The following CYP4Z1 variants were observed in gnomAD, a reference collection of about 807,000 sequenced individuals.
CYP4Z1 encodes cytochrome P450 4Z1.
Under a neutral mutation model 54.2 loss-of-function variants are expected in CYP4Z1, and 41 were observed. The observed-to-expected ratio is 0.76, with a 90% confidence interval of 0.59 to 0.98. The LOEUF (loss-of-function observed/expected upper bound fraction) is 0.98, where lower values mean the gene tolerates loss of function less well. CYP4Z1 is among the 50% of genes least tolerant of loss of function. The pLI, the probability that CYP4Z1 is intolerant of heterozygous loss-of-function variation, is 0.00. For missense variants in CYP4Z1, 513 were observed against 599.0 expected (o/e 0.86, Z 1.50); for synonymous variants, 163 against 206.2 (o/e 0.79, Z 1.79).
At chr1:47,109,120 C>T (rs1181921774) in intron 9 of CYP4Z1, among the ~76,000 whole-genome samples, 1 of 152,054 alleles carries the variant, frequency 6.6e-6, no homozygotes. Context: ...CCACTTGTCC[C>T]TCCTAAGATC....
rs151279435 is a variant in CYP4Z1 at position 47,095,505 on chromosome 1, T to TA, written c.876+840dup. Among the ~76,000 whole-genome samples, 1,035 of 152,328 alleles carry TA rather than the reference T, an allele frequency of 6.8e-3. 9 individuals carry two copies. Among genetic ancestry groups the TA allele is most frequent in the African/African-American group, 0.024 (988 of 41,574 alleles). ...CACCAGGCTAGCAATCCTGTAAGGA[T>TA]AAAATTAGATTATATGTGTAAAGAT... On this transcript the variant is annotated intron_variant, in intron 7 of 11. Transcript: ENST00000334194.
At chr1:47,064,080 CTT>C (rs34267768), upstream of CYP4Z1, among the ~76,000 whole-genome samples, 38 of 119,488 alleles carry the variant, frequency 3.2e-4, no homozygotes, top group African/African-American at 6.1e-4. Context: ...GATTTGGGTC[CTT>C]TTTTTTTTTT....
chr1:47,059,726 A>T, the CYP4Z1 span, among the ~76,000 whole-genome samples: 1 of 152,152 alleles, frequency 6.6e-6, no homozygotes, highest in Non-Finnish European at 1.5e-5. Flanking sequence ...AAGAACATTT[A>T]ATTTCCCTAA....
At chr1:47,103,899 ATATTT>A (rs1553156880) in intron 8 of CYP4Z1, among the ~76,000 whole-genome samples, 65,247 of 151,796 alleles carry the variant, frequency 0.43, 15,343 homozygotes, top group East Asian at 0.96. Context: ...CCCAGCCTCA[ATATTT>A]TGCTTCTTTA....
chr1:47,097,149 T>C (rs1644683934), intron 7 of CYP4Z1: 4 of 152,216 alleles, frequency 2.6e-5, no homozygotes, highest in Admixed American at 2.0e-4. Flanking sequence ...ATCTCATTCC[T>C]TTTTATGTCT....
At position 47,067,496 on chromosome 1, in the gene CYP4Z1, G is replaced by C; in HGVS notation, c.6G>C (p.Glu2Asp). The C allele has an allele frequency of 6.2e-7, 1 of 1,606,072 alleles. No homozygotes were observed. The highest frequency in any genetic ancestry group is 1.3e-5 in the African/African-American group (1 of 74,872). Residue 2 changes from glutamate to aspartate, a missense_variant, in exon 1 of 12, where the codon GAG becomes GAC. Transcript: ENST00000334194. ...GCTCAGGACCTCTGAGAAGAATGGA[G>C]CCCTCCTGGCTTCAGGAACTCATGG... Reference protein sequence around the residue: MEPSWLQELMAH... With the variant: MDPSWLQELMAH...
At chr1:47,097,819 G>GT (rs1557629999) in intron 7 of CYP4Z1, among the ~76,000 whole-genome samples, 1 of 102,900 alleles carries the variant, frequency 9.7e-6, no homozygotes, top group East Asian at 9.3e-4. Context: ...AGTTCCATAT[G>GT]ATTTTTTTTT....
intron 2 of CYP4Z1, among the ~76,000 whole-genome samples, chr1:47,078,165 CAT>C (rs1437074816): frequency 2.2e-4 from 33 of 152,228 alleles, no homozygotes; most frequent in African/African-American, 6.7e-4. Flanking sequence ...TCCAATTATG[CAT>C]ATGTTAGTAT....
chr1:47,064,236 C>T (rs1334679036), upstream of CYP4Z1, among the ~76,000 whole-genome samples: 1 of 151,870 alleles, frequency 6.6e-6, no homozygotes, highest in African/African-American at 2.4e-5. Context: ...GGCACACCAC[C>T]ACACGCCTGG....
At chr1:47,099,008 A>G (rs1163011045) in intron 7 of CYP4Z1, 86 bp from the exon 8 acceptor site, 9 of 1,474,792 alleles carry the variant, frequency 6.1e-6, no homozygotes, top group Non-Finnish European at 8.4e-6. Flanking sequence ...TTACAACATT[A>G]ATCTTTTTGT....
chr1:47,086,769 A>G (rs1053496198), intron 6 of CYP4Z1, among the ~76,000 whole-genome samples: 3 of 152,168 alleles, frequency 2.0e-5, no homozygotes, highest in Admixed American at 6.5e-5. Flanking sequence ...GTCCTTGCCC[A>G]TGCCTATGTC....
At chr1:47,115,479 G>T in intron 9 of CYP4Z1, 50 bp from the exon 10 acceptor site, 7 of 1,447,416 alleles carry the variant, frequency 4.8e-6, no homozygotes, top group Non-Finnish European at 6.6e-6. Flanking sequence ...AAAAAAAAAA[G>T]ACAGAATCTT....
rs1644493607 is a variant in CYP4Z1 at position 47,073,014 on chromosome 1, C to T, written c.319+4251C>T. On this transcript the variant is annotated intron_variant, in intron 2 of 11. Transcript: ENST00000334194. ...CACTAAGTATATTCACAGTGCTATC[C>T]ACCTATCATCTCTGTCTAGTTCCAG... 2.0e-5 allele frequency among the ~76,000 whole-genome samples: 3 copies of T among 149,234 alleles called. No homozygotes were observed. In the South Asian group the frequency reaches 6.4e-4, roughly 32 times the overall value.
At chr1:47,088,558 T>TA (rs1644614656) in intron 6 of CYP4Z1, among the ~76,000 whole-genome samples, 1 of 151,764 alleles carries the variant, frequency 6.6e-6, no homozygotes. Flanking sequence ...TATCATTTTT[T>TA]TTTCGTCTAT....
chr1:47,084,757 A>C lies in CYP4Z1; in HGVS notation c.617+13A>C, dbSNP rs1265372596. The C allele has an allele frequency of 6.2e-7, 1 of 1,613,318 alleles. No homozygotes were observed. Among genetic ancestry groups the C allele is most frequent in the Non-Finnish European group, 8.5e-7 (1 of 1,179,850 alleles). ...TCCAGTTGGACAGGTCAGTGACAAA[A>C]GGAAGGTAATTGTTTGCCAATAACT... On this transcript the variant is annotated intron_variant, in intron 5 of 11. Transcript: ENST00000334194.
At chr1:47,087,773 A>G (rs557712218) in intron 6 of CYP4Z1, among the ~76,000 whole-genome samples, 1 of 152,324 alleles carries the variant, frequency 6.6e-6, no homozygotes, top group South Asian at 2.1e-4. Context: ...GTCTTGTGCC[A>G]GTTTTCAAAT....
chr1:47,091,485 A>T (rs1644637569), intron 6 of CYP4Z1, among the ~76,000 whole-genome samples: 3 of 146,920 alleles, frequency 2.0e-5, no homozygotes, highest in Non-Finnish European at 4.5e-5. Context: ...ATGAGCATGG[A>T]GAGCTAAGAG....
intron 2 of CYP4Z1, among the ~76,000 whole-genome samples, chr1:47,079,554 C>T (rs1454524363): frequency 2.6e-5 from 4 of 152,214 alleles, no homozygotes; most frequent in African/African-American, 9.7e-5. Context: ...TACATTCTTT[C>T]CAAAATAGTT....
In CYP4Z1 at chr1:47,067,234, TG is replaced by T. The variant is rs200206852; in HGVS notation, c.-254del. 2.6e-4 allele frequency among the ~76,000 whole-genome samples: 39 copies of T among 152,306 alleles called. No homozygotes were observed. The East Asian group carries it at 7.1e-3, about 28-fold the overall frequency. ...ACAGCAGTGCAGCAAAGCTTTCATATGGGTGTGAGCTGTCATGCACATGGCT... is the reference window on the plus strand; with the variant it reads ...ACAGCAGTGCAGCAAAGCTTTCATATGGTGTGAGCTGTCATGCACATGGCT... On this transcript the variant is annotated 5_prime_UTR_variant, in exon 1 of 12. An upstream open reading frame in the 5' UTR gains an earlier in-frame stop. Transcript: ENST00000334194.
Sources: gnomAD v4.1 joint callset for allele counts (sites outside exome capture counted in the v4.1 genomes callset) on GRCh38, gnomAD v4.1.1 for gene constraint, MANE v1.5 for transcripts, NCBI Gene and HGNC (gene_info 2026-07-23, HGNC 2026-07-21) for gene names.